Variants in KLHL32 observed in about 807,000 individuals in gnomAD.
KLHL32 encodes the protein kelch-like protein 32.
A neutral mutation model predicts 64.8 loss-of-function variants in KLHL32; 35 were observed. The observed-to-expected ratio is 0.54, with a 90% CI of 0.41 to 0.72. The LOEUF is 0.72. Among genes scored for constraint, KLHL32 ranks in the 30% least tolerant of loss-of-function variants. The pLI is 0.00. For synonymous variants in KLHL32, 259 were observed against 281.0 expected (o/e 0.92, Z 0.78); for missense variants, 589 against 768.5 (o/e 0.77, Z 2.76).
chr6:97,095,920 C>T (rs1794921723), intron 6 of KLHL32, among the ~76,000 whole-genome samples: 1 of 152,062 alleles, frequency 6.6e-6, no homozygotes, highest in Non-Finnish European at 1.5e-5. Flanking sequence ...CAAGATTTGG[C>T]AATATTCTGC....
intron 7 of KLHL32, among the ~76,000 whole-genome samples, chr6:97,121,450 T>C (rs1798356705): frequency 6.6e-6 from 1 of 152,168 alleles, no homozygotes; most frequent in African/African-American, 2.4e-5. Context: ...TTCTCAGGGG[T>C]GAGAAGAGAC....
intron 5 of KLHL32, among the ~76,000 whole-genome samples, chr6:97,069,361 T>C (rs545590439): frequency 4.0e-5 from 6 of 151,746 alleles, no homozygotes; most frequent in South Asian, 2.1e-4. Flanking sequence ...TGCTATTCTC[T>C]CACTAGGGAG....
chr6:97,077,787 CT>C (rs988454236), intron 5 of KLHL32, among the ~76,000 whole-genome samples: 55 of 152,080 alleles, frequency 3.6e-4, no homozygotes, highest in African/African-American at 1.2e-3. Flanking sequence ...CAACTGTTTG[CT>C]TTTTTTTCAT....
chr6:96,910,050 T>C, the KLHL32 span, among the ~76,000 whole-genome samples: 1 of 152,232 alleles, frequency 6.6e-6, no homozygotes, highest in East Asian at 1.9e-4. Context: ...GCCAGATTAC[T>C]GGACTGCAGC....
At chr6:97,034,574 G>C (rs940677986) in intron 3 of KLHL32, among the ~76,000 whole-genome samples, 6 of 151,874 alleles carry the variant, frequency 4.0e-5, no homozygotes, top group Non-Finnish European at 8.8e-5. Flanking sequence ...GATAGGGGTT[G>C]TGTTGAATGT....
At chr6:97,055,796 T>TAAAAAAAAAAAAAAAAAAAAAA (rs750242567) in intron 4 of KLHL32, among the ~76,000 whole-genome samples, 1,479 of 80,922 alleles carry the variant, frequency 0.018, 304 homozygotes, top group Non-Finnish European at 0.024. Context: ...AGAACCTGTC[T>TAAAAAAAAAAAAAAAAAAAAAA]AAAAAAAAAA....
intron 5 of KLHL32, among the ~76,000 whole-genome samples, chr6:97,065,283 C>G (rs1789561202): frequency 1.3e-5 from 2 of 152,180 alleles, no homozygotes; most frequent in African/African-American, 4.8e-5. Flanking sequence ...CCCCCGAACA[C>G]CAAGCACTGA....
At chr6:97,092,211 G>A (rs1190937090) in intron 6 of KLHL32, among the ~76,000 whole-genome samples, 8 of 151,984 alleles carry the variant, frequency 5.3e-5, no homozygotes, top group Admixed American at 6.5e-5. Context: ...GGATGGTCTC[G>A]ATCTCCTGAC....
At chr6:96,917,367 G>A in the KLHL32 span, among the ~76,000 whole-genome samples, 1 of 152,068 alleles carries the variant, frequency 6.6e-6, no homozygotes, top group Admixed American at 6.6e-5. Flanking sequence ...CTCATAACCT[G>A]TAGTCCTCAG....
chr6:97,107,644 G>C (rs1162737684), intron 6 of KLHL32, among the ~76,000 whole-genome samples: 1 of 152,184 alleles, frequency 6.6e-6, no homozygotes, highest in Non-Finnish European at 1.5e-5. Context: ...ACATGTGAGG[G>C]AAGAAAACAA....
intron 6 of KLHL32, among the ~76,000 whole-genome samples, chr6:97,090,345 AAC>A (rs1222881781): frequency 6.6e-6 from 1 of 152,232 alleles, no homozygotes; most frequent in Non-Finnish European, 1.5e-5. Context: ...TACTCTTAAT[AAC>A]ACATTCATTT....
the KLHL32 span, among the ~76,000 whole-genome samples, chr6:96,907,219 C>A: frequency 6.6e-6 from 1 of 152,116 alleles, no homozygotes; most frequent in Admixed American, 6.5e-5. Flanking sequence ...GGGTTTAGTA[C>A]AACAAATCTC....
At chr6:96,929,542 T>G (rs1428194325) in intron 1 of KLHL32, among the ~76,000 whole-genome samples, 1 of 152,230 alleles carries the variant, frequency 6.6e-6, no homozygotes, top group Non-Finnish European at 1.5e-5. Flanking sequence ...TGTTGAGAAT[T>G]AGTAAATAGA....
chr6:96,992,558 C>T (rs1159041000), intron 3 of KLHL32, among the ~76,000 whole-genome samples: 1 of 152,206 alleles, frequency 6.6e-6, no homozygotes, highest in African/African-American at 2.4e-5. Flanking sequence ...GATTTGATTT[C>T]GCACATTTGT....
intron 3 of KLHL32, among the ~76,000 whole-genome samples, chr6:97,026,970 C>T (rs1230462479): frequency 1.3e-5 from 2 of 151,814 alleles, no homozygotes; most frequent in Non-Finnish European, 1.5e-5. Context: ...GAGACCAGCC[C>T]GGCCAATGTG....
intron 3 of KLHL32, among the ~76,000 whole-genome samples, chr6:97,004,131 TG>T (rs1302812138): frequency 5.3e-5 from 8 of 152,354 alleles, no homozygotes; most frequent in African/African-American, 1.7e-4. Flanking sequence ...TTTTTCCATT[TG>T]TTTGTATTAT....
chr6:96,918,646 T>A, the KLHL32 span, among the ~76,000 whole-genome samples: 1 of 152,204 alleles, frequency 6.6e-6, no homozygotes, highest in South Asian at 2.1e-4. Context: ...TCAATTTAAA[T>A]TCCATGATAA....
chr6:97,016,014 C>T (rs1023205080), intron 3 of KLHL32, among the ~76,000 whole-genome samples: 1 of 152,166 alleles, frequency 6.6e-6, no homozygotes, highest in Non-Finnish European at 1.5e-5. Flanking sequence ...TCTTGGGAAC[C>T]TCCTCCTAGA....
intron 3 of KLHL32, among the ~76,000 whole-genome samples, chr6:96,984,011 G>A (rs1245437586): frequency 6.6e-6 from 1 of 152,100 alleles, no homozygotes; most frequent in Non-Finnish European, 1.5e-5. Context: ...TCTCTTGTGG[G>A]CATTTAGTGG....
Sources: gnomAD v4.1 joint callset for allele counts (sites outside exome capture counted in the v4.1 genomes callset) on GRCh38, gnomAD v4.1.1 for gene constraint, MANE v1.5 for transcripts, NCBI Gene and HGNC (gene_info 2026-07-23, HGNC 2026-07-21) for gene names.